The following GLI2 variants were observed in gnomAD, a reference collection of about 807,000 sequenced individuals.
GLI2 encodes GLI family zinc finger 2.
A neutral mutation model predicts 78.9 loss-of-function variants in GLI2; 22 were observed. The observed-to-expected ratio is 0.28, with a 90% confidence interval of 0.20 to 0.40. GLI2 has a LOEUF of 0.40. GLI2 is among the 10% of genes least tolerant of loss of function. The pLI, the probability that GLI2 is intolerant of heterozygous loss-of-function variation, is 1.00. For synonymous variants in GLI2, 974 were observed against 963.7 expected (o/e 1.01, Z -0.20); for missense variants, 2,097 against 2,213.2 (o/e 0.95, Z 1.05).
chr2:120,974,875 C>G, intron 8 of GLI2, 100 bp from the exon 9 acceptor site: 2 of 1,563,322 alleles, frequency 1.3e-6, no homozygotes, highest in Non-Finnish European at 1.8e-6. Flanking sequence ...TGTAACAGCC[C>G]AGGGTCCTTG....
At chr2:120,741,095 G>T (rs561929614) in intron 1 of GLI2, among the ~76,000 whole-genome samples, 1 of 152,220 alleles carries the variant, frequency 6.6e-6, no homozygotes, top group Non-Finnish European at 1.5e-5. Context: ...GGGGCGGGGG[G>T]TGTTGTTTGT....
chr2:120,844,122 C>T (rs979833820), intron 2 of GLI2, among the ~76,000 whole-genome samples: 2 of 152,152 alleles, frequency 1.3e-5, no homozygotes, highest in African/African-American at 4.8e-5. Flanking sequence ...GACATTTTCC[C>T]TAGTTCGAAA....
At chr2:120,818,913 C>A (rs1685632480) in intron 2 of GLI2, among the ~76,000 whole-genome samples, 2 of 152,170 alleles carry the variant, frequency 1.3e-5, no homozygotes, top group South Asian at 4.1e-4. Flanking sequence ...TTATCTGAAG[C>A]AGCCGCAGCC....
At chr2:120,945,337 C>T (rs557304725) in intron 3 of GLI2, among the ~76,000 whole-genome samples, 14 of 152,302 alleles carry the variant, frequency 9.2e-5, no homozygotes, top group African/African-American at 3.4e-4. Context: ...GTTGGTTGTC[C>T]TACTTACCCA....
At position 120,988,905 on chromosome 2, in the gene GLI2, G is replaced by A. The variant is rs1408994410; in HGVS notation, c.2940G>A (p.Pro980=). The change falls in exon 14 of 14, where the codon CCG becomes CCA. Residue 980 remains proline (P), a synonymous_variant. Coordinates refer to ENST00000361492, the MANE Select transcript of GLI2 (RefSeq NM_001374353.1). ...GCACCCACAACGTGAACCCCGGCCC[G>A]CTGCCGCCCTGTGCCGACAGGCGAG... ...FHSTHNVNPG[P]LPPCADRRGL... 6 of 1,510,286 alleles carry A rather than the reference G, an allele frequency of 4.0e-6. No individual in the cohort carries two copies. Among genetic ancestry groups the A allele is most frequent in the East Asian group, 2.6e-5 (1 of 37,942 alleles). 93.6% of individuals were successfully genotyped at this position (1,510,286 alleles called of 1,614,324 possible).
chr2:120,940,974 C>T (rs1211488957), intron 3 of GLI2, among the ~76,000 whole-genome samples: 1 of 152,236 alleles, frequency 6.6e-6, no homozygotes, highest in Non-Finnish European at 1.5e-5. Flanking sequence ...GGGCCCTGGC[C>T]AAGTCGGCCT....
At chr2:120,901,940 A>G (rs1276041004) in intron 2 of GLI2, among the ~76,000 whole-genome samples, 1 of 152,186 alleles carries the variant, frequency 6.6e-6, no homozygotes, top group East Asian at 1.9e-4. Flanking sequence ...AGAAAATCGT[A>G]TTAATTTGCA....
rs2105091870 is a variant in GLI2, at chr2:120,989,293, T to A, written c.3328T>A (p.Cys1110Ser). Residue 1110 changes from cysteine (C) to serine (S), a missense_variant, in exon 14 of 14, where the codon TGC becomes AGC. Transcript: ENST00000361492. ...CCCCTCCGCCCCTATGCTGGGAGGA[T>A]GCCAGTTAGGCTTTGGGGCGCCCTC... ...VGPSAPMLGG[C>S]QLGFGAPSSL... The A allele has an allele frequency of 6.2e-7, 1 of 1,613,072 alleles. No individual in the cohort carries two copies. Among genetic ancestry groups the A allele is most frequent in the East Asian group, 2.2e-5 (1 of 44,870 alleles).
At chr2:120,748,224 G>A (rs531828629) in intron 1 of GLI2, among the ~76,000 whole-genome samples, 1 of 152,354 alleles carries the variant, frequency 6.6e-6, no homozygotes, top group South Asian at 2.1e-4. Flanking sequence ...GCTCCAGGCT[G>A]ACAAATTTCC....
chr2:120,795,244 G>A (rs1390063057), intron 1 of GLI2, among the ~76,000 whole-genome samples: 1 of 150,912 alleles, frequency 6.6e-6, no homozygotes, highest in East Asian at 2.0e-4. Flanking sequence ...ATTCTTGGCT[G>A]GGCTCGTTGG....
chr2:120,976,598 C>T (rs745402950), intron 9 of GLI2, among the ~76,000 whole-genome samples: 1 of 152,222 alleles, frequency 6.6e-6, no homozygotes, highest in African/African-American at 2.4e-5. Flanking sequence ...CAGGGGAAGG[C>T]CAAAGCCAGA....
At chr2:120,803,840 C>T (rs1439794154) in intron 2 of GLI2, among the ~76,000 whole-genome samples, 4 of 152,192 alleles carry the variant, frequency 2.6e-5, no homozygotes, top group African/African-American at 7.2e-5. Flanking sequence ...GGTCATTGGG[C>T]GCAGTCCGTC....
intron 2 of GLI2, among the ~76,000 whole-genome samples, chr2:120,876,337 G>A (rs886874749): frequency 3.9e-5 from 6 of 152,082 alleles, no homozygotes; most frequent in South Asian, 2.1e-4. Context: ...GCGAGACTCC[G>A]TCTCAAAAAA....
intron 3 of GLI2, among the ~76,000 whole-genome samples, chr2:120,934,544 C>T (rs192156546): frequency 1.8e-3 from 277 of 152,300 alleles, no homozygotes; most frequent in African/African-American, 6.3e-3. Context: ...CGAGGGGGCT[C>T]TTGCTGGCAC....
intron 10 of GLI2, among the ~76,000 whole-genome samples, chr2:120,981,620 C>T (rs1682721621): frequency 2.6e-5 from 4 of 152,178 alleles, no homozygotes; most frequent in Admixed American, 2.6e-4. Context: ...CATGCTCAAT[C>T]AGACTGGTCA....
At chr2:120,956,266 G>A (rs1194747048) in intron 5 of GLI2, among the ~76,000 whole-genome samples, 2 of 152,212 alleles carry the variant, frequency 1.3e-5, no homozygotes, top group Admixed American at 6.5e-5. Context: ...TCAGGGTCTC[G>A]GGCCTGAGCA....
At chr2:120,755,594 T>A (rs1683014454) in intron 1 of GLI2, among the ~76,000 whole-genome samples, 1 of 152,180 alleles carries the variant, frequency 6.6e-6, no homozygotes, top group Admixed American at 6.5e-5. Flanking sequence ...TTTGATGAAC[T>A]CCAGTTTGTC....
chr2:120,950,514 G>A (rs11889219), intron 3 of GLI2, among the ~76,000 whole-genome samples: 14,672 of 152,204 alleles, frequency 0.096, 2,274 homozygotes, highest in African/African-American at 0.33. Flanking sequence ...GGACATGGGG[G>A]TGGGCCCTGG....
intron 2 of GLI2, among the ~76,000 whole-genome samples, chr2:120,834,391 C>A (rs79644419): frequency 0.094 from 14,344 of 152,190 alleles, 771 homozygotes; most frequent in Middle Eastern, 0.18. Flanking sequence ...GCCATAGGGG[C>A]CATCGCTCTT....
Sources: allele counts gnomAD v4.1 joint callset (sites outside exome capture counted in the v4.1 genomes callset), GRCh38; gene constraint gnomAD v4.1.1; transcripts MANE v1.5; gene names NCBI Gene and HGNC (gene_info 2026-07-23, HGNC 2026-07-21).